The following ZC3H13 variants were observed in gnomAD, a reference collection of about 807,000 sequenced individuals.
ZC3H13 encodes zinc finger CCCH-type containing 13.
Under a neutral mutation model 204.1 loss-of-function variants are expected in ZC3H13, and 64 were observed. The observed-to-expected ratio is 0.31, with a 90% CI of 0.26 to 0.39. The LOEUF (loss-of-function observed/expected upper bound fraction) is 0.39. ZC3H13 is among the 10% of genes least tolerant of loss of function. The probability of loss-of-function intolerance (pLI) is 1.00; values close to 1 mark genes in which losing one functional copy is unlikely to be tolerated. For missense variants in ZC3H13, 1,833 were observed against 2,082.7 expected (o/e 0.88, Z 2.33); for synonymous variants, 667 against 693.7 (o/e 0.96, Z 0.60).
At chr13:45,998,648 C>CAAAAAAAAATAAAAAAAAAAA (rs1555285318) in intron 8 of ZC3H13, among the ~76,000 whole-genome samples, 1 of 140,698 alleles carries the variant, frequency 7.1e-6, no homozygotes, top group African/African-American at 2.6e-5. Flanking sequence ...AACTCCGTCT[C>CAAAAAAAAATAAAAAAAAAAA]AAAAAAAAAA....
chr13:46,003,416 C>A lies in ZC3H13; in HGVS notation c.747-80G>T, dbSNP rs1363035999. 8 of 1,319,010 alleles carry A rather than the reference C, an allele frequency of 6.1e-6. 1 individual carries two copies. In the Admixed American group the frequency reaches 2.0e-4, roughly 34 times the overall value. The allele number at this position is 1,319,010 out of a possible 1,614,324, so 81.7% of individuals were successfully genotyped here. A position where few individuals can be genotyped will look rare whatever the true frequency, so the allele number is the denominator to read the frequency against. On this transcript the variant is annotated intron_variant, in intron 7 of 18. Transcript: ENST00000679008. The stretch of plus-strand genomic sequence containing the variant: ...TTTAAAGCCTTCTTAAAAACAGCAG[C>A]GTTCCTTTACATTACTTGCCCTTTA...
Position 45,965,318 on chromosome 13 carries a change from T to C in ZC3H13, c.4436A>G (p.Glu1479Gly), listed in dbSNP as rs369824892. 73 of 1,613,624 alleles carry C rather than the reference T, an allele frequency of 4.5e-5. No homozygotes were observed. The highest frequency in any genetic ancestry group is 5.9e-5 in the Non-Finnish European group (70 of 1,179,780). ...CTCATCCTGTTGGTCCTCCCTCTTTTCTGCATCACCTGCCAGAATTTCATC... is the reference window on the plus strand; with the variant it reads ...CTCATCCTGTTGGTCCTCCCTCTTTCCTGCATCACCTGCCAGAATTTCATC... ...ELDEILAGDA[E>G]KREDQQDEEK... Residue 1479 changes from glutamate to glycine, a missense_variant, in exon 16 of 19, where the codon GAA becomes GGA. Physicochemically the swap from Glu to Gly is moderately conservative, Grantham distance 98. Transcript: ENST00000679008.
At chr13:45,997,872 C>T (rs1277338864) in intron 8 of ZC3H13, among the ~76,000 whole-genome samples, 4 of 152,086 alleles carry the variant, frequency 2.6e-5, no homozygotes, top group Admixed American at 6.6e-5. Context: ...TTTGGAAACA[C>T]TATTTTACAA....
At chr13:46,010,269 C>T (rs1030538427) in intron 7 of ZC3H13, 79 bp downstream of exon 7, 122 of 1,319,866 alleles carry the variant, frequency 9.2e-5, no homozygotes, top group Non-Finnish European at 1.2e-4. Flanking sequence ...CTAAAAGTAC[C>T]CTTTTATAAC....
intron 7 of ZC3H13, among the ~76,000 whole-genome samples, chr13:46,006,412 C>CAACT (rs2041155148): frequency 6.6e-6 from 1 of 151,724 alleles, no homozygotes; most frequent in Non-Finnish European, 1.5e-5. Flanking sequence ...TTCCCATAAT[C>CAACT]AACTGCTTTT....
chr13:45,959,099 C>T (rs908454021), intron 18 of ZC3H13, among the ~76,000 whole-genome samples: 20 of 152,114 alleles, frequency 1.3e-4, no homozygotes, highest in Admixed American at 6.6e-5. Flanking sequence ...TATATAGAGT[C>T]GCTTTATTTC....
rs371283045 is a variant in ZC3H13, at chr13:46,048,321, T to C, written c.-9-2805A>G. On this transcript the variant is annotated intron_variant, in intron 1 of 18. Coordinates refer to ENST00000679008, the MANE Select transcript of ZC3H13 (RefSeq NM_001330564.2). ...CGCCGGGCGCGGTGGCTCACGCCTG[T>C]AATCCCAGCACTTTGGGAGGCCGAG... Among the ~76,000 whole-genome samples the C allele has an allele frequency of 5.9e-5, 9 of 152,260 alleles. No individual in the cohort carries two copies. In the South Asian group the frequency reaches 1.9e-3, roughly 32 times the overall value.
At chr13:46,039,792 A>G (rs2043450798) in intron 4 of ZC3H13, among the ~76,000 whole-genome samples, 2 of 152,230 alleles carry the variant, frequency 1.3e-5, no homozygotes, top group Non-Finnish European at 2.9e-5. Flanking sequence ...TATAATATAC[A>G]TAACGGGAAC....
At chr13:45,995,783 A>G (rs1379582926) in intron 8 of ZC3H13, among the ~76,000 whole-genome samples, 2 of 152,212 alleles carry the variant, frequency 1.3e-5, no homozygotes, top group Non-Finnish European at 2.9e-5. Context: ...CGGCCTGCAG[A>G]ACCATGAGCC....
intron 13 of ZC3H13, 30 bp downstream of exon 13, chr13:45,970,332 A>G: frequency 1.9e-6 from 3 of 1,601,860 alleles, no homozygotes; most frequent in Non-Finnish European, 2.6e-6. Flanking sequence ...GAATATGAAT[A>G]TAGAGAGACA....
intron 8 of ZC3H13, among the ~76,000 whole-genome samples, chr13:46,000,751 T>C (rs1327526114): frequency 6.6e-6 from 1 of 152,248 alleles, no homozygotes; most frequent in Non-Finnish European, 1.5e-5. Context: ...CTTAGCTGAC[T>C]GGCACAAGAG....
At chr13:46,029,349 A>G (rs1284516425) in intron 4 of ZC3H13, among the ~76,000 whole-genome samples, 1 of 152,216 alleles carries the variant, frequency 6.6e-6, no homozygotes, top group East Asian at 1.9e-4. Flanking sequence ...GTTTATAGGT[A>G]AAGTCTACCA....
intron 1 of ZC3H13, chr13:46,051,972 C>T (rs1052548884): frequency 3.0e-5 from 4 of 133,266 alleles, no homozygotes; most frequent in African/African-American, 1.2e-4. Flanking sequence ...ATTCCCAGGA[C>T]CTAAATCGTT....
intron 4 of ZC3H13, among the ~76,000 whole-genome samples, chr13:46,027,934 T>C (rs2042640427): frequency 6.6e-6 from 1 of 151,894 alleles, no homozygotes; most frequent in South Asian, 2.1e-4. Flanking sequence ...ACAATGGCAA[T>C]GAAGAGAAAA....
Position 45,970,385 on chromosome 13 carries a change from G to T in ZC3H13, c.2549C>A (p.Ala850Asp). 1 of 1,613,846 alleles carries T rather than the reference G, an allele frequency of 6.2e-7. No individual in the cohort carries two copies. The change falls in exon 13 of 19, where the codon GCC becomes GAC. Residue 850 changes from alanine (A) to aspartate (D), a missense_variant. Transcript: ENST00000679008. ...RRREHSPDSD[A>D]YNSGDDKNEK... Reference sequence around the variant, plus strand: ...ACTTTTATCATCTCCACTGTTGTAGGCATCACTGTCCGGAGAATGTTCACG... The same window carrying T: ...ACTTTTATCATCTCCACTGTTGTAGTCATCACTGTCCGGAGAATGTTCACG...
intron 5 of ZC3H13, among the ~76,000 whole-genome samples, chr13:46,018,941 G>C (rs1305969875): frequency 6.6e-6 from 1 of 152,150 alleles, no homozygotes; most frequent in Non-Finnish European, 1.5e-5. Context: ...AACTTGAACA[G>C]TTATGGTTTA....
At chr13:46,030,184 C>CA (rs59788635) in intron 4 of ZC3H13, among the ~76,000 whole-genome samples, 117,482 of 152,080 alleles carry the variant, frequency 0.77, 45,753 homozygotes, top group African/African-American at 0.86. Flanking sequence ...AACACTCAGA[C>CA]TAATAAAAAC....
chr13:46,021,091 G>A (rs2042193195), intron 4 of ZC3H13, among the ~76,000 whole-genome samples: 1 of 151,934 alleles, frequency 6.6e-6, no homozygotes, highest in Non-Finnish European at 1.5e-5. Flanking sequence ...TCAAGTAATT[G>A]TCATTTTCCT....
intron 8 of ZC3H13, among the ~76,000 whole-genome samples, chr13:45,998,771 G>C (rs1486851211): frequency 6.6e-6 from 1 of 152,188 alleles, no homozygotes; most frequent in Non-Finnish European, 1.5e-5. Context: ...TTATCTTGAT[G>C]CTGATGGCTG....
Sources: allele counts gnomAD v4.1 joint callset (sites outside exome capture counted in the v4.1 genomes callset), GRCh38; gene constraint gnomAD v4.1.1; transcripts MANE v1.5; gene names NCBI Gene and HGNC (gene_info 2026-07-23, HGNC 2026-07-21).